ASAP2: variants seen among roughly 807,000 people sequenced by gnomAD.
ASAP2 encodes the protein arf-GAP with SH3 domain, ANK repeat and PH domain-containing protein 2.
In ASAP2, 45 loss-of-function variants were observed where a neutral mutation model predicts 131.4. The observed-to-expected ratio is 0.34, with a 90% CI of 0.27 to 0.44. ASAP2 has a LOEUF of 0.44. ASAP2 is among the 20% of genes least tolerant of loss of function. The probability of loss-of-function intolerance (pLI) is 1.00; values close to 1 mark genes in which losing one functional copy is unlikely to be tolerated. For missense variants in ASAP2, 1,011 were observed against 1,297.0 expected (o/e 0.78, Z 3.39); for synonymous variants, 510 against 503.0 (o/e 1.01, Z -0.19).
At chr2:9,346,771 A>G (rs935492131) in intron 11 of ASAP2, among the ~76,000 whole-genome samples, 13 of 152,262 alleles carry the variant, frequency 8.5e-5, no homozygotes, top group Non-Finnish European at 1.3e-4. Flanking sequence ...TCCAGGCCTC[A>G]GCTTAAGCCA....
chr2:9,262,145 T>C (rs1315665240), intron 1 of ASAP2, among the ~76,000 whole-genome samples: 1 of 152,176 alleles, frequency 6.6e-6, no homozygotes, highest in East Asian at 1.9e-4. Flanking sequence ...CCATCATGCC[T>C]GTATGAAGTT....
intron 12 of ASAP2, among the ~76,000 whole-genome samples, chr2:9,352,781 A>G (rs970528065): frequency 1.3e-5 from 2 of 152,220 alleles, no homozygotes; most frequent in East Asian, 1.9e-4. Context: ...AGCCTGATGC[A>G]TTGAAACATC....
intron 1 of ASAP2, among the ~76,000 whole-genome samples, chr2:9,270,785 ATTTTTTTTTTTTTT>A (rs35913703): frequency 1.9e-5 from 1 of 52,924 alleles, no homozygotes; most frequent in African/African-American, 7.2e-5. Flanking sequence ...AATTGTTTTC[ATTTTTTTTTTTTTT>A]TTTTTTTTTT....
chr2:9,349,544 G>A (rs2148625389), intron 11 of ASAP2, among the ~76,000 whole-genome samples: 1 of 152,298 alleles, frequency 6.6e-6, no homozygotes, highest in South Asian at 2.1e-4. Flanking sequence ...GGCAGAGCTT[G>A]GTATCTTCTA....
Position 9,338,591 on chromosome 2 carries a change from C to A in ASAP2, c.849+3412C>A, listed in dbSNP as rs143510008. 2.8e-3 allele frequency among the ~76,000 whole-genome samples: 419 copies of A among 152,316 alleles called. 2 individuals carry two copies. Among genetic ancestry groups the A allele is most frequent in the African/African-American group, 9.6e-3 (399 of 41,568 alleles). ...TAGCCTGGCTCTGGCCTCCATGTCA[C>A]CCTCAGTGGAGGACTCGTTTGTTGA... On this transcript the variant is annotated intron_variant, in intron 9 of 27. Coordinates refer to ENST00000281419, the MANE Select transcript of ASAP2 (RefSeq NM_003887.3).
At chr2:9,390,267 A>G (rs1675615940) in intron 22 of ASAP2, among the ~76,000 whole-genome samples, 1 of 152,196 alleles carries the variant, frequency 6.6e-6, no homozygotes, top group African/African-American at 2.4e-5. Context: ...ATAAATAGCA[A>G]ATGGAGTTGA....
In ASAP2 at chr2:9,308,886, A is replaced by C. The variant is rs138226715; in HGVS notation, c.346-9638A>C. Among the ~76,000 whole-genome samples, 883 of 152,316 alleles carry C rather than the reference A, an allele frequency of 5.8e-3. 8 individuals carry two copies. The highest frequency in any genetic ancestry group is 9.5e-3 in the Non-Finnish European group (646 of 68,022). On this transcript the variant is annotated intron_variant, in intron 3 of 27. Coordinates refer to ENST00000281419, the MANE Select transcript of ASAP2 (RefSeq NM_003887.3). ...CCCTGTGTCATCTGGTGGTTTATTC[A>C]GGCCATTTTAGTCAGTACCTTGTGC...
At chr2:9,243,032 G>A (rs892373875) in intron 1 of ASAP2, among the ~76,000 whole-genome samples, 1 of 152,238 alleles carries the variant, frequency 6.6e-6, no homozygotes, top group Non-Finnish European at 1.5e-5. Context: ...GAAGCATACG[G>A]ATTAACAAAG....
At chr2:9,283,010 T>A (rs1000725444) in intron 2 of ASAP2, among the ~76,000 whole-genome samples, 1 of 152,050 alleles carries the variant, frequency 6.6e-6, no homozygotes, top group Non-Finnish European at 1.5e-5. Context: ...CCACCCATTT[T>A]CATCAAGCCT....
At chr2:9,309,394 C>A (rs1163506638) in intron 3 of ASAP2, among the ~76,000 whole-genome samples, 2 of 152,172 alleles carry the variant, frequency 1.3e-5, no homozygotes, top group East Asian at 3.9e-4. Flanking sequence ...GGCGTACATG[C>A]GGGATGATTC....
At chr2:9,238,528 T>C (rs1200620359) in intron 1 of ASAP2, among the ~76,000 whole-genome samples, 2 of 152,244 alleles carry the variant, frequency 1.3e-5, no homozygotes, top group Non-Finnish European at 2.9e-5. Flanking sequence ...ACTGGAAATG[T>C]CTTTCTCAAG....
intron 3 of ASAP2, among the ~76,000 whole-genome samples, chr2:9,316,661 G>A (rs149695867): frequency 4.9e-4 from 74 of 152,296 alleles, no homozygotes; most frequent in African/African-American, 1.7e-3. Context: ...AGGGCTCTGA[G>A]TCCGTACTTG....
intron 12 of ASAP2, among the ~76,000 whole-genome samples, chr2:9,351,969 C>T (rs1473910495): frequency 6.6e-6 from 1 of 152,090 alleles, no homozygotes; most frequent in Non-Finnish European, 1.5e-5. Context: ...TGTCAAACAC[C>T]CATCCTGACT....
chr2:9,394,341 T>A (rs985441631), intron 24 of ASAP2, among the ~76,000 whole-genome samples: 2 of 151,964 alleles, frequency 1.3e-5, no homozygotes, highest in African/African-American at 2.4e-5. Flanking sequence ...ATTTTTTGTA[T>A]TTCTAGTAGA....
chr2:9,287,475 G>A (rs954334882), intron 2 of ASAP2, among the ~76,000 whole-genome samples: 2 of 152,190 alleles, frequency 1.3e-5, no homozygotes. Context: ...TCTGAAGGAC[G>A]CGGGGCTCCT....
chr2:9,283,687 C>T (rs528366758), intron 2 of ASAP2, among the ~76,000 whole-genome samples: 3 of 152,290 alleles, frequency 2.0e-5, no homozygotes, highest in South Asian at 2.1e-4. Flanking sequence ...TTTATTTTCT[C>T]ACAGGCCTGG....
chr2:9,224,609 A>G (rs1186217740), intron 1 of ASAP2, among the ~76,000 whole-genome samples: 2 of 152,164 alleles, frequency 1.3e-5, no homozygotes, highest in South Asian at 4.1e-4. Flanking sequence ...CACTCTATAA[A>G]CCATCCCAAT....
intron 18 of ASAP2, 22 bp from the exon 19 acceptor site, chr2:9,378,922 C>G: frequency 7.1e-7 from 1 of 1,417,898 alleles, no homozygotes; most frequent in Non-Finnish European, 9.3e-7. Context: ...TATGCTCTCT[C>G]TCTGTTCCTG....
intron 19 of ASAP2, among the ~76,000 whole-genome samples, chr2:9,379,478 C>A (rs1432922760): frequency 2.0e-5 from 3 of 152,134 alleles, no homozygotes; most frequent in Non-Finnish European, 4.4e-5. Context: ...ACTGCCCTCT[C>A]CTTTCATTTG....
Sources: allele counts gnomAD v4.1 joint callset (sites outside exome capture counted in the v4.1 genomes callset), GRCh38; gene constraint gnomAD v4.1.1; transcripts MANE v1.5; gene names NCBI Gene and HGNC (gene_info 2026-07-23, HGNC 2026-07-21).